KITLG: variants seen among roughly 807,000 people sequenced by gnomAD.
KITLG encodes c-Kit ligand.
A neutral mutation model predicts 34.1 loss-of-function variants in KITLG; 13 were observed. That is an observed-to-expected ratio of 0.38 (90% CI 0.25 to 0.61). The LOEUF (loss-of-function observed/expected upper bound fraction) is 0.61. Among genes scored for constraint, KITLG ranks in the 20% least tolerant of loss-of-function variants. The pLI is 0.60. For missense variants in KITLG, 292 were observed against 318.9 expected, an observed-to-expected ratio of 0.92 and a Z score of 0.64; for synonymous variants, 110 against 104.0, an observed-to-expected ratio of 1.06 and a Z score of -0.35.
At chr12:88,532,294 G>A (rs1592570492) in intron 3 of KITLG, 147 bp downstream of exon 3, 1 of 656,682 alleles carries the variant, frequency 1.5e-6, no homozygotes. Flanking sequence ...GGAAAAAAAA[G>A]CCTGCAAGTC....
chr12:88,535,573 C>T (rs1426046703), intron 2 of KITLG, among the ~76,000 whole-genome samples: 1 of 152,112 alleles, frequency 6.6e-6, no homozygotes, highest in Non-Finnish European at 1.5e-5. Context: ...AGCGCAGTAT[C>T]CCATTATTAC....
chr12:88,573,043 G>A (rs1228402017), intron 1 of KITLG, among the ~76,000 whole-genome samples: 1 of 152,150 alleles, frequency 6.6e-6, no homozygotes, highest in South Asian at 2.1e-4. Context: ...TATTTCAGAA[G>A]CGTTAAATTG....
intron 1 of KITLG, among the ~76,000 whole-genome samples, chr12:88,579,928 T>G (rs1871959297): frequency 6.6e-6 from 1 of 152,212 alleles, no homozygotes; most frequent in Non-Finnish European, 1.5e-5. Context: ...TGCAAAGACA[T>G]GCCTTCCCGT....
chr12:88,546,976 T>C (rs1342761005), intron 1 of KITLG, among the ~76,000 whole-genome samples: 1 of 152,164 alleles, frequency 6.6e-6, no homozygotes, highest in South Asian at 2.1e-4. Context: ...AAAATGTGAC[T>C]GTGGCTGGAT....
intron 5 of KITLG, among the ~76,000 whole-genome samples, 191 bp downstream of exon 5, chr12:88,516,143 G>T (rs1271779382): frequency 6.6e-6 from 1 of 151,786 alleles, no homozygotes; most frequent in African/African-American, 2.4e-5. Context: ...TGAAACTGAT[G>T]AATATTGCTT....
chr12:88,561,375 C>T (rs976440409), intron 1 of KITLG, among the ~76,000 whole-genome samples: 7 of 152,288 alleles, frequency 4.6e-5, no homozygotes, highest in East Asian at 1.9e-4. Context: ...AAAATCTGGG[C>T]ACTATCCTTG....
rs955710802 is a variant in KITLG at position 88,530,770 on chromosome 12, A to G, written c.192+1671T>C. Among the ~76,000 whole-genome samples, 3 of 152,308 alleles carry G rather than the reference A, an allele frequency of 2.0e-5. No homozygotes were observed. The South Asian group carries it at 6.2e-4, about 32-fold the overall frequency. On this transcript the variant is annotated intron_variant, in intron 3 of 9. Transcript: ENST00000644744. ...GTTCAACATGAAGATACATGTTCTAAGGAATTCTAAAAAAAACTTTAGGTA... is the reference window on the plus strand; with the variant it reads ...GTTCAACATGAAGATACATGTTCTAGGGAATTCTAAAAAAAACTTTAGGTA...
intron 1 of KITLG, among the ~76,000 whole-genome samples, chr12:88,566,389 C>T (rs995425703): frequency 1.3e-5 from 2 of 152,166 alleles, no homozygotes; most frequent in African/African-American, 4.8e-5. Context: ...CAGTGTTAGA[C>T]AACTTAGCTA....
At chr12:88,575,685 C>T (rs927131828) in intron 1 of KITLG, among the ~76,000 whole-genome samples, 5 of 152,228 alleles carry the variant, frequency 3.3e-5, no homozygotes, top group East Asian at 3.9e-4. Flanking sequence ...TGTCTACACA[C>T]GTGACTAAGA....
At chr12:88,555,872 A>C (rs1385913074) in intron 1 of KITLG, among the ~76,000 whole-genome samples, 1 of 152,218 alleles carries the variant, frequency 6.6e-6, no homozygotes, top group Non-Finnish European at 1.5e-5. Context: ...AAAGACTATG[A>C]TCACTGGCCT....
At chr12:88,519,597 C>A (rs555440440) in intron 3 of KITLG, among the ~76,000 whole-genome samples, 2 of 151,714 alleles carry the variant, frequency 1.3e-5, no homozygotes, top group Admixed American at 1.3e-4. Context: ...AAAAGTCAAG[C>A]CTTTTATTTA....
At chr12:88,528,329 T>C (rs1319904018) in intron 3 of KITLG, among the ~76,000 whole-genome samples, 1 of 152,166 alleles carries the variant, frequency 6.6e-6, no homozygotes, top group Non-Finnish European at 1.5e-5. Context: ...CAAAATAACT[T>C]TTCCATCTAT....
intron 1 of KITLG, among the ~76,000 whole-genome samples, chr12:88,571,060 G>A (rs551938046): frequency 1.3e-5 from 2 of 152,268 alleles, no homozygotes; most frequent in African/African-American, 2.4e-5. Flanking sequence ...GATAGATAAC[G>A]TATAAATAAG....
rs775803733 is a variant in KITLG, at chr12:88,495,168, G to T, written c.*2051C>A. ...CATGAGTGTTAAAACCCAGCTACTA[G>T]GTTTGAGGACAAAAGTACACATTTA... On this transcript the variant is annotated 3_prime_UTR_variant, in exon 10 of 10. Coordinates refer to ENST00000644744, the MANE Select transcript of KITLG (RefSeq NM_000899.5). 6.6e-6 allele frequency: 1 copy of T among 151,872 alleles called. No homozygotes were observed. The highest frequency in any genetic ancestry group is 1.5e-5 in the Non-Finnish European group (1 of 67,928). The allele number at this position is 151,872 out of a possible 1,614,324, so 9.4% of individuals were successfully genotyped here. A position where few individuals can be genotyped will look rare whatever the true frequency, so the allele number is the denominator to read the frequency against.
intron 3 of KITLG, among the ~76,000 whole-genome samples, chr12:88,524,103 A>C (rs947186379): frequency 6.6e-6 from 1 of 152,180 alleles, no homozygotes; most frequent in African/African-American, 2.4e-5. Context: ...ATTTCAGGCA[A>C]GTCATTTAAT....
rs929180682 is a variant in KITLG, at chr12:88,496,925, C to T, written c.*294G>A. The T allele has an allele frequency of 2.1e-4, 36 of 174,590 alleles. No individual in the cohort carries two copies. In the Admixed American group the frequency reaches 2.1e-3, roughly 10 times the overall value. 10.8% of individuals were successfully genotyped at this position (174,590 alleles called of 1,614,324 possible). A position where few individuals can be genotyped will look rare whatever the true frequency, so the allele number is the denominator to read the frequency against. ...AGTCTGAGACACGTGCTTTCTCTTCCAACATCAGCTGCAAGTTCTAAATGA... is the reference window on the plus strand; with the variant it reads ...AGTCTGAGACACGTGCTTTCTCTTCTAACATCAGCTGCAAGTTCTAAATGA... On this transcript the variant is annotated 3_prime_UTR_variant, in exon 10 of 10. Transcript: ENST00000644744.
At chr12:88,563,021 G>A (rs1397062636) in intron 1 of KITLG, among the ~76,000 whole-genome samples, 3 of 152,176 alleles carry the variant, frequency 2.0e-5, no homozygotes, top group Admixed American at 2.0e-4. Context: ...TAAGTTCACT[G>A]GAAGTCTCTG....
rs747299027 is a variant in KITLG at position 88,518,876 on chromosome 12, T to C, written c.193-9A>G. The C allele has an allele frequency of 6.2e-6, 10 of 1,612,448 alleles. No homozygotes were observed. The Admixed American group carries it at 1.5e-4, about 24-fold the overall frequency. ...ATCCAACAATGACTTGGCTGCAAGA[T>C]ATGAAAAAAGAGACAAAACAGCTAT... On this transcript the variant is annotated splice_polypyrimidine_tract_variant and intron_variant, in intron 3 of 9. Coordinates refer to ENST00000644744, the MANE Select transcript of KITLG (RefSeq NM_000899.5).
At chr12:88,501,236 C>A (rs1046333895) in intron 9 of KITLG, among the ~76,000 whole-genome samples, 1 of 152,100 alleles carries the variant, frequency 6.6e-6, no homozygotes, top group African/African-American at 2.4e-5. Context: ...GTTCTCTATT[C>A]TAGTGTTCCA....
Sources: gnomAD v4.1 joint callset for allele counts (sites outside exome capture counted in the v4.1 genomes callset) on GRCh38, gnomAD v4.1.1 for gene constraint, MANE v1.5 for transcripts, NCBI Gene and HGNC (gene_info 2026-07-23, HGNC 2026-07-21) for gene names.